The following HNF4G variants were observed in gnomAD, a reference collection of about 807,000 sequenced individuals.
HNF4G encodes hepatocyte nuclear factor 4 gamma, also known as hepatocyte nuclear factor 4-gamma.
Under a neutral mutation model 50.9 loss-of-function variants are expected in HNF4G, and 21 were observed. The observed-to-expected ratio is 0.41, with a 90% CI of 0.29 to 0.59. The LOEUF (loss-of-function observed/expected upper bound fraction) is 0.59, where lower values mean the gene tolerates loss of function less well. Among genes scored for constraint, HNF4G ranks in the 20% least tolerant of loss-of-function variants. HNF4G has a pLI of 0.26. For synonymous variants in HNF4G, 198 were observed against 185.6 expected (o/e 1.07, Z -0.54); for missense variants, 527 against 559.4 (o/e 0.94, Z 0.58).
intron 1 of HNF4G, among the ~76,000 whole-genome samples, chr8:75,423,796 C>T (rs1401703582): frequency 7.4e-6 from 1 of 134,610 alleles, no homozygotes; most frequent in Admixed American, 7.5e-5. Context: ...TTCTTTGAAA[C>T]TTTCTGCCAA....
At chr8:75,521,857 T>A (rs1211559363) in intron 2 of HNF4G, among the ~76,000 whole-genome samples, 1 of 152,180 alleles carries the variant, frequency 6.6e-6, no homozygotes, top group Non-Finnish European at 1.5e-5. Flanking sequence ...TCTTACACTT[T>A]TGTATGTCTC....
intron 1 of HNF4G, among the ~76,000 whole-genome samples, chr8:75,480,699 T>C (rs971923172): frequency 3.4e-5 from 5 of 148,766 alleles, no homozygotes; most frequent in African/African-American, 1.3e-4. Flanking sequence ...TCTCTGGATC[T>C]CATTTCTTTT....
At chr8:75,560,499 TTTCTTAA>T (rs1295152472) in intron 9 of HNF4G, 33 bp downstream of exon 9, 1 of 1,584,490 alleles carries the variant, frequency 6.3e-7, no homozygotes, top group Admixed American at 1.8e-5. Context: ...AACCAAGATA[TTTCTTAA>T]TTACCCAAGA....
chr8:75,416,060 G>A (rs1319647846), intron 1 of HNF4G, among the ~76,000 whole-genome samples: 1 of 152,066 alleles, frequency 6.6e-6, no homozygotes, highest in African/African-American at 2.4e-5. Context: ...TCTTTTATTT[G>A]TAACCTGACC....
At chr8:75,429,613 T>C (rs1311953329) in intron 1 of HNF4G, among the ~76,000 whole-genome samples, 2 of 152,212 alleles carry the variant, frequency 1.3e-5, no homozygotes, top group African/African-American at 4.8e-5. Flanking sequence ...GTATCTAATG[T>C]AAGCCTTGTT....
intron 1 of HNF4G, among the ~76,000 whole-genome samples, chr8:75,453,011 G>T (rs370934183): frequency 6.6e-6 from 1 of 152,196 alleles, no homozygotes; most frequent in African/African-American, 2.4e-5. Context: ...AAAAGGTTAA[G>T]TGATTGCTAA....
At chr8:75,450,543 C>T (rs1811560012) in intron 1 of HNF4G, among the ~76,000 whole-genome samples, 1 of 152,164 alleles carries the variant, frequency 6.6e-6, no homozygotes, top group Admixed American at 6.5e-5. Context: ...TACTAATTTA[C>T]ATTCTCACCA....
At chr8:75,549,327 A>G (rs1411737634) in intron 3 of HNF4G, among the ~76,000 whole-genome samples, 2 of 152,188 alleles carry the variant, frequency 1.3e-5, no homozygotes, top group Non-Finnish European at 2.9e-5. Context: ...AATGTTTACA[A>G]TATCTTTTAG....
rs35739290 is a variant in HNF4G, at chr8:75,506,847, T to TCAACAA, written c.-24+16663_-24+16668dup. ...GGTAAAGTGCTTTTGTGGCAGATCA[T>TCAACAA]CAACAACAACAACAACAACAACAAC... On this transcript the variant is annotated intron_variant, in intron 2 of 10. Coordinates refer to the HNF4G transcript ENST00000354370. Among the ~76,000 whole-genome samples, 435 of 151,262 alleles carry TCAACAA rather than the reference T, an allele frequency of 2.9e-3. 3 individuals are homozygous for TCAACAA. Among genetic ancestry groups the TCAACAA allele is most frequent in the African/African-American group, 9.5e-3 (390 of 41,144 alleles).
chr8:75,504,270 C>CAA lies in HNF4G; in HGVS notation c.-24+14063_-24+14064insAA, dbSNP rs1292795314. Among the ~76,000 whole-genome samples, 420 of 82,840 alleles carry CAA rather than the reference C, an allele frequency of 5.1e-3. 5 individuals are homozygous for CAA. The highest frequency in any genetic ancestry group is 0.033 in the African/African-American group (405 of 12,100). 54.3% of individuals were successfully genotyped at this position (82,840 alleles called of 152,430 possible). A position where few individuals can be genotyped will look rare whatever the true frequency, so the allele number is the denominator to read the frequency against. On this transcript the variant is annotated intron_variant, in intron 2 of 10. Coordinates refer to the HNF4G transcript ENST00000354370. ...ACACACACACACACACACACACACA[C>CAA]ACACACCAAAAACAACAACAAAAAA...
chr8:75,501,310 GGTATGCACACCT>G (rs1389220412), intron 2 of HNF4G, among the ~76,000 whole-genome samples: 1 of 152,056 alleles, frequency 6.6e-6, no homozygotes, highest in East Asian at 1.9e-4. Flanking sequence ...ATCCAGGCAT[GGTATGCACACCT>G]GTAGTCCCAC....
rs537561729 is a variant in HNF4G at position 75,476,006 on chromosome 8, G to A, written c.-143-14083G>A. On this transcript the variant is annotated intron_variant, in intron 1 of 10. Transcript: ENST00000354370. ...CAGGTTTGTTACATGGACATACTGTGTAATGGTGAGATTTGGGCTTCTAGT... is the reference window on the plus strand; with the variant it reads ...CAGGTTTGTTACATGGACATACTGTATAATGGTGAGATTTGGGCTTCTAGT... Among the ~76,000 whole-genome samples, 62 of 152,200 alleles carry A rather than the reference G, an allele frequency of 4.1e-4. 2 individuals carry two copies. In the South Asian group the frequency reaches 0.013, roughly 32 times the overall value.
chr8:75,407,994 G>C (rs1810403541), upstream of HNF4G: 2 of 152,062 alleles, frequency 1.3e-5, no homozygotes, highest in South Asian at 2.1e-4. Context: ...CCCGGGGCCC[G>C]GGCTGGCCGC....
chr8:75,533,089 G>A (rs965878539), intron 2 of HNF4G, among the ~76,000 whole-genome samples: 2 of 151,910 alleles, frequency 1.3e-5, no homozygotes, highest in African/African-American at 4.8e-5. Flanking sequence ...CACATAAAAT[G>A]TACTCATGTA....
chr8:75,547,686 T>G lies in HNF4G; in HGVS notation c.382+5T>G. The G allele has an allele frequency of 6.9e-7, 1 of 1,455,364 alleles. No homozygotes were observed. The highest frequency in any genetic ancestry group is 9.7e-7 in the Non-Finnish European group (1 of 1,035,370). 90.2% of individuals were successfully genotyped at this position (1,455,364 alleles called of 1,614,324 possible). A position where few individuals can be genotyped will look rare whatever the true frequency, so the allele number is the denominator to read the frequency against. ...GAGCGGGAATGAAAAAAGAAGGTAA[T>G]AATAATGATGATGATAATTAACATT... On this transcript the variant is annotated splice_donor_5th_base_variant and intron_variant, in intron 3 of 9. Coordinates refer to ENST00000396423, the MANE Select transcript of HNF4G (RefSeq NM_004133.5).
intron 1 of HNF4G, among the ~76,000 whole-genome samples, chr8:75,488,418 C>A (rs978015035): frequency 1.3e-5 from 2 of 151,912 alleles, no homozygotes; most frequent in Non-Finnish European, 2.9e-5. Flanking sequence ...GGACTACAGG[C>A]GTGTGCCACC....
chr8:75,482,888 T>C lies in HNF4G; in HGVS notation c.-143-7201T>C, dbSNP rs539594374. Among the ~76,000 whole-genome samples, 4 of 152,364 alleles carry C rather than the reference T, an allele frequency of 2.6e-5. No homozygotes were observed. In the South Asian group the frequency reaches 8.3e-4, roughly 32 times the overall value. Reference sequence around the variant, plus strand: ...ACAGCAGTAGTGTTTATAACATATTTACACCATTGTTTCATTATTGTTGGC... The same window carrying C: ...ACAGCAGTAGTGTTTATAACATATTCACACCATTGTTTCATTATTGTTGGC... On this transcript the variant is annotated intron_variant, in intron 1 of 10. Coordinates refer to the HNF4G transcript ENST00000354370.
rs977371412 is a variant in HNF4G, at chr8:75,543,797, T to C, written c.119-14T>C. On this transcript the variant is annotated splice_polypyrimidine_tract_variant and intron_variant, in intron 1 of 9. Transcript: ENST00000396423. Reference sequence around the variant, plus strand: ...GTACTAACTCTAACTGTAATCTTCCTTTTTTATTGACAGATAGTTCTGCCC... The same window carrying C: ...GTACTAACTCTAACTGTAATCTTCCCTTTTTATTGACAGATAGTTCTGCCC... 1 of 1,602,420 alleles carries C rather than the reference T, an allele frequency of 6.2e-7. No homozygotes were observed. Among genetic ancestry groups the C allele is most frequent in the Non-Finnish European group, 8.5e-7 (1 of 1,173,668 alleles).
intron 1 of HNF4G, among the ~76,000 whole-genome samples, chr8:75,434,035 C>T (rs1811078662): frequency 7.1e-6 from 1 of 141,022 alleles, no homozygotes; most frequent in Non-Finnish European, 1.5e-5. Flanking sequence ...GACAAAGTCT[C>T]ACTCTGCCGC....
Sources: gnomAD v4.1 joint callset for allele counts (sites outside exome capture counted in the v4.1 genomes callset) on GRCh38, gnomAD v4.1.1 for gene constraint, MANE v1.5 for transcripts, NCBI Gene and HGNC (gene_info 2026-07-23, HGNC 2026-07-21) for gene names.